The following PDE1A variants were observed in gnomAD, a reference collection of about 807,000 sequenced individuals.
PDE1A encodes the protein dual specificity calcium/calmodulin-dependent 3',5'-cyclic nucleotide phosphodiesterase 1A.
In PDE1A, 35 loss-of-function variants were observed where a neutral mutation model predicts 61.7. The ratio of observed to expected loss-of-function variants is 0.57; its 90% CI spans 0.43 to 0.75. The LOEUF (loss-of-function observed/expected upper bound fraction) is 0.75, where lower values mean the gene tolerates loss of function less well. Among genes scored for constraint, PDE1A ranks in the 30% least tolerant of loss-of-function variants. The pLI is 0.00. For synonymous variants in PDE1A, 232 were observed against 213.2 expected (o/e 1.09, Z -0.77); for missense variants, 597 against 630.6 (o/e 0.95, Z 0.57).
At chr2:182,617,127 A>G in the PDE1A span, among the ~76,000 whole-genome samples, 1 of 152,100 alleles carries the variant, frequency 6.6e-6, no homozygotes. Flanking sequence ...ATCTTGGACC[A>G]TGCCAAATAT....
At chr2:182,566,047 T>C in the PDE1A span, among the ~76,000 whole-genome samples, 3 of 152,272 alleles carry the variant, frequency 2.0e-5, no homozygotes. Flanking sequence ...GCTCAGTGAT[T>C]TGAATGAAAT....
At chr2:182,490,857 T>C (rs376862638) in intron 2 of PDE1A, among the ~76,000 whole-genome samples, 2 of 152,130 alleles carry the variant, frequency 1.3e-5, no homozygotes, top group Admixed American at 1.3e-4. Flanking sequence ...TGACAGTTCA[T>C]TGACTATAGC....
chr2:182,287,492 C>T (rs1174336634), intron 1 of PDE1A, among the ~76,000 whole-genome samples: 1 of 152,098 alleles, frequency 6.6e-6, no homozygotes, highest in African/African-American at 2.4e-5. Flanking sequence ...TTATTCCCCA[C>T]TGAACTCTAT....
the PDE1A span, among the ~76,000 whole-genome samples, chr2:182,701,473 CG>C: frequency 6.8e-6 from 1 of 148,014 alleles, no homozygotes; most frequent in Non-Finnish European, 1.5e-5. Flanking sequence ...TTGCACCTCC[CG>C]GGTTCAAGTG....
the PDE1A span, among the ~76,000 whole-genome samples, chr2:182,603,770 T>A: frequency 6.6e-6 from 1 of 152,072 alleles, no homozygotes; most frequent in African/African-American, 2.4e-5. Flanking sequence ...ATTCCTTTTT[T>A]AAAAAAAGAA....
At chr2:182,533,990 T>C in the PDE1A span, among the ~76,000 whole-genome samples, 1 of 152,084 alleles carries the variant, frequency 6.6e-6, no homozygotes, top group Non-Finnish European at 1.5e-5. Context: ...TATATTTTTT[T>C]CTAAATATAA....
exon 3 of PDE1A, chr2:182,240,253 C>A: frequency 6.2e-7 from 1 of 1,610,888 alleles, no homozygotes; most frequent in Non-Finnish European, 8.5e-7. Flanking sequence ...CTGAGTCAGT[C>A]TGAATGTCAC....
intron 7 of PDE1A, among the ~76,000 whole-genome samples, chr2:182,217,754 A>T (rs1330691046): frequency 6.9e-6 from 1 of 145,258 alleles, no homozygotes; most frequent in East Asian, 2.2e-4. Flanking sequence ...GCGATCATTA[A>T]AAAGTCAGGA....
At chr2:182,300,808 CTTG>C (rs1695192323) in intron 1 of PDE1A, among the ~76,000 whole-genome samples, 1 of 152,110 alleles carries the variant, frequency 6.6e-6, no homozygotes, top group South Asian at 2.1e-4. Context: ...GGCTATTACA[CTTG>C]TTGTGTAATG....
In PDE1A at chr2:182,385,630, AAAGAAAGAAG is replaced by A. The variant is rs751219620; in HGVS notation, c.53+40938_53+40947del. Among the ~76,000 whole-genome samples, 174 of 92,236 alleles carry A rather than the reference AAAGAAAGAAG, an allele frequency of 1.9e-3. 13 individuals are homozygous for A. The highest frequency in any genetic ancestry group is 3.6e-3 in the South Asian group (8 of 2,234). The allele number at this position is 92,236 out of a possible 152,430, so 60.5% of individuals were successfully genotyped here. A position where few individuals can be genotyped will look rare whatever the true frequency, so the allele number is the denominator to read the frequency against. ...TTAGATGAAAGAAACAGAAAGAAAG[AAAGAAAGAAG>A]AAGAAAGAAAGAAAGAAAGAAGAAA... On this transcript the variant is annotated intron_variant, in intron 1 of 13. Coordinates refer to ENST00000351439, the Ensembl canonical transcript of PDE1A.
chr2:182,386,589 T>C (rs1432924195), intron 1 of PDE1A, among the ~76,000 whole-genome samples: 1 of 140,124 alleles, frequency 7.1e-6, no homozygotes, highest in Admixed American at 7.0e-5. Flanking sequence ...GTCTGAGAAG[T>C]GAGGAGCCCC....
intron 2 of PDE1A, among the ~76,000 whole-genome samples, chr2:182,468,820 G>C (rs1686839089): frequency 6.6e-6 from 1 of 151,998 alleles, no homozygotes; most frequent in Non-Finnish European, 1.5e-5. Context: ...GTATGAGCAG[G>C]CATGAAAACA....
At chr2:182,283,412 C>CACACACAT (rs1693947481) in intron 1 of PDE1A, among the ~76,000 whole-genome samples, 1 of 149,072 alleles carries the variant, frequency 6.7e-6, no homozygotes, top group South Asian at 2.1e-4. Context: ...GTTACACACA[C>CACACACAT]ACACACATAC....
chr2:182,234,342 G>A (rs1689832831), intron 4 of PDE1A, 90 bp downstream of exon 4: 2 of 821,086 alleles, frequency 2.4e-6, no homozygotes, highest in Non-Finnish European at 4.1e-6. Flanking sequence ...GTAGGCTGCA[G>A]TAAAGACCTA....
At chr2:182,146,483 T>C (rs1002149164), downstream of PDE1A, among the ~76,000 whole-genome samples, 1 of 152,060 alleles carries the variant, frequency 6.6e-6, no homozygotes, top group Non-Finnish European at 1.5e-5. Flanking sequence ...TATTTATTAT[T>C]GTTATTATTA....
chr2:182,599,884 C>A, the PDE1A span, among the ~76,000 whole-genome samples: 5 of 152,104 alleles, frequency 3.3e-5, no homozygotes, highest in Non-Finnish European at 7.4e-5. Flanking sequence ...ATTACATGTA[C>A]CAGATCTCTA....
At chr2:182,206,433 T>G (rs1687107937) in intron 7 of PDE1A, among the ~76,000 whole-genome samples, 1 of 152,164 alleles carries the variant, frequency 6.6e-6, no homozygotes, top group East Asian at 1.9e-4. Flanking sequence ...CAGTTTACAT[T>G]AGGCTTCACT....
chr2:182,577,485 C>G, the PDE1A span, among the ~76,000 whole-genome samples: 1 of 152,158 alleles, frequency 6.6e-6, no homozygotes, highest in African/African-American at 2.4e-5. Flanking sequence ...GACATGTGAA[C>G]TGCTTAGAAA....
chr2:182,548,242 TA>T, the PDE1A span, among the ~76,000 whole-genome samples: 1 of 152,212 alleles, frequency 6.6e-6, no homozygotes. Context: ...CAGCTGTTAC[TA>T]ACAGGAAACA....
Sources: gnomAD v4.1 joint callset for allele counts (sites outside exome capture counted in the v4.1 genomes callset) on GRCh38, gnomAD v4.1.1 for gene constraint, MANE v1.5 for transcripts, NCBI Gene and HGNC (gene_info 2026-07-23, HGNC 2026-07-21) for gene names.